The following PRKD1 variants were observed in gnomAD, a reference collection of about 807,000 sequenced individuals.
PRKD1 encodes serine/threonine-protein kinase D1.
PRKD1 carries 63 observed loss-of-function variants against 95.9 expected under a neutral mutation model. The ratio of observed to expected loss-of-function variants is 0.66; its 90% CI spans 0.54 to 0.81. The LOEUF is 0.81. Ranked by LOEUF, PRKD1 falls within the 30% of genes least tolerant of loss-of-function variation. PRKD1 has a pLI of 0.00. For synonymous variants in PRKD1, 425 were observed against 423.1 expected, an observed-to-expected ratio of 1.00 and a Z score of -0.05; for missense variants, 1,048 against 1,165.3, an observed-to-expected ratio of 0.90 and a Z score of 1.47.
intron 4 of PRKD1, among the ~76,000 whole-genome samples, chr14:29,658,372 C>T (rs1056126416): frequency 5.9e-5 from 9 of 152,118 alleles, no homozygotes; most frequent in African/African-American, 1.9e-4. Flanking sequence ...TTTAAGAACA[C>T]TAATTTTACC....
chr14:29,883,662 G>A (rs1893595262), intron 1 of PRKD1, among the ~76,000 whole-genome samples: 1 of 152,138 alleles, frequency 6.6e-6, no homozygotes, highest in African/African-American at 2.4e-5. Context: ...TATACTTGAT[G>A]GACATATCAC....
chr14:29,865,427 T>C (rs1436038843), intron 1 of PRKD1, among the ~76,000 whole-genome samples: 2 of 152,222 alleles, frequency 1.3e-5, no homozygotes, highest in African/African-American at 4.8e-5. Context: ...GCTGAGGCCA[T>C]TAAGAAGTGA....
chr14:29,609,978 G>T (rs538040304), intron 13 of PRKD1, among the ~76,000 whole-genome samples: 2 of 152,192 alleles, frequency 1.3e-5, no homozygotes, highest in African/African-American at 4.8e-5. Context: ...CATGATAAAT[G>T]TAATGAGTCC....
At chr14:29,746,243 T>A (rs1021218994) in intron 1 of PRKD1, among the ~76,000 whole-genome samples, 27 of 152,104 alleles carry the variant, frequency 1.8e-4, no homozygotes, top group African/African-American at 6.5e-4. Flanking sequence ...AAACTTTAGT[T>A]AAGCAGGGAA....
intron 1 of PRKD1, among the ~76,000 whole-genome samples, chr14:29,776,137 C>T (rs1888742419): frequency 6.6e-6 from 1 of 152,254 alleles, no homozygotes. Context: ...CACCAAAACC[C>T]CATCAGTACG....
At chr14:29,865,186 A>G (rs1303866865) in intron 1 of PRKD1, among the ~76,000 whole-genome samples, 1 of 152,208 alleles carries the variant, frequency 6.6e-6, no homozygotes, top group Non-Finnish European at 1.5e-5. Context: ...CAAATGCATT[A>G]TGAAGATAAG....
rs771067378 is a variant in PRKD1, at chr14:29,636,278, T to C, written c.1190+12A>G. 2 of 1,614,090 alleles carry C rather than the reference T, an allele frequency of 1.2e-6. No individual in the cohort carries two copies. Among genetic ancestry groups the C allele is most frequent in the Non-Finnish European group, 1.7e-6 (2 of 1,180,002 alleles). Reference sequence around the variant, plus strand: ...TTCCCCTGTTGGCTGAGGCTGGGAGTGCTGCTCTCACCTGATGGTTCTGTT... The same window carrying C: ...TTCCCCTGTTGGCTGAGGCTGGGAGCGCTGCTCTCACCTGATGGTTCTGTT... On this transcript the variant is annotated intron_variant, in intron 7 of 17. Transcript: ENST00000331968.
At chr14:29,885,758 G>C (rs1011111050) in intron 1 of PRKD1, among the ~76,000 whole-genome samples, 4 of 140,862 alleles carry the variant, frequency 2.8e-5, no homozygotes, top group Non-Finnish European at 6.0e-5. Flanking sequence ...CTTCAGGTCA[G>C]GAGTTTGAGA....
chr14:29,685,138 C>T (rs1040156044), intron 2 of PRKD1, among the ~76,000 whole-genome samples: 8 of 152,158 alleles, frequency 5.3e-5, no homozygotes, highest in African/African-American at 1.4e-4. Context: ...CTTGCCATTT[C>T]CCATTCAAAG....
chr14:29,632,984 C>T lies in PRKD1; in HGVS notation c.1315-38G>A, dbSNP rs1323287823. 3.9e-6 allele frequency: 6 copies of T among 1,534,888 alleles called. No homozygotes were observed. In the African/African-American group the frequency reaches 5.5e-5, roughly 14 times the overall value. On this transcript the variant is annotated intron_variant, in intron 8 of 17. Transcript: ENST00000331968. The stretch of plus-strand genomic sequence containing the variant: ...TTAGATCCAAGATCTTTTTAAAAAA[C>T]TTTAAAAATATCCCCAATTGAAAAC...
chr14:29,727,112 C>A (rs1566564425), intron 1 of PRKD1, among the ~76,000 whole-genome samples: 1 of 152,080 alleles, frequency 6.6e-6, no homozygotes, highest in Non-Finnish European at 1.5e-5. Flanking sequence ...GTAATGATAT[C>A]TCATTGTGGT....
intron 1 of PRKD1, among the ~76,000 whole-genome samples, chr14:29,734,489 A>G (rs988533959): frequency 9.9e-5 from 15 of 152,174 alleles, no homozygotes; most frequent in African/African-American, 3.6e-4. Context: ...TTCAAGGCCT[A>G]TTTTTAAGCT....
At chr14:29,781,758 A>G (rs906455851) in intron 1 of PRKD1, among the ~76,000 whole-genome samples, 1 of 152,244 alleles carries the variant, frequency 6.6e-6, no homozygotes, top group Non-Finnish European at 1.5e-5. Context: ...CTTCACATGA[A>G]CATTTCCATA....
chr14:29,833,682 T>C (rs759852585), intron 1 of PRKD1, among the ~76,000 whole-genome samples: 26 of 152,106 alleles, frequency 1.7e-4, no homozygotes, highest in Non-Finnish European at 3.4e-4. Flanking sequence ...ATATTTATAA[T>C]ATAGTATTCT....
intron 2 of PRKD1, among the ~76,000 whole-genome samples, chr14:29,683,715 TG>T (rs753253096): frequency 6.6e-6 from 1 of 152,182 alleles, no homozygotes; most frequent in Non-Finnish European, 1.5e-5. Flanking sequence ...AATAGTACAA[TG>T]TAACATTATT....
At chr14:29,828,816 T>C (rs1891295244) in intron 1 of PRKD1, among the ~76,000 whole-genome samples, 1 of 152,150 alleles carries the variant, frequency 6.6e-6, no homozygotes, top group Admixed American at 6.5e-5. Context: ...TTTTTGACAC[T>C]CCCTTAGGGA....
rs1892636784 is a variant in PRKD1 at position 29,578,376 on chromosome 14, A to G, written c.2435-16T>C. The G allele has an allele frequency of 2.6e-6, 4 of 1,559,356 alleles. No homozygotes were observed. The highest frequency in any genetic ancestry group is 3.5e-6 in the Non-Finnish European group (4 of 1,138,086). On this transcript the variant is annotated splice_polypyrimidine_tract_variant and intron_variant, in intron 16 of 17. Transcript: ENST00000331968. ...AGATCAATGGCTGAAAAAAATTACC[A>G]GTAAAAATAGATGACAAATCTGTAA...
At chr14:29,731,916 C>T (rs1040339092) in intron 1 of PRKD1, among the ~76,000 whole-genome samples, 1 of 151,136 alleles carries the variant, frequency 6.6e-6, no homozygotes, top group Non-Finnish European at 1.5e-5. Flanking sequence ...CTCTGGCGCC[C>T]AGGCTGGATT....
At chr14:29,758,330 C>G (rs45574334) in intron 1 of PRKD1, among the ~76,000 whole-genome samples, 1 of 152,096 alleles carries the variant, frequency 6.6e-6, no homozygotes, top group Non-Finnish European at 1.5e-5. Context: ...CAGACTTGAT[C>G]GAGAGGTGGA....
Sources: gnomAD v4.1 joint callset for allele counts (sites outside exome capture counted in the v4.1 genomes callset) on GRCh38, gnomAD v4.1.1 for gene constraint, MANE v1.5 for transcripts, NCBI Gene and HGNC (gene_info 2026-07-23, HGNC 2026-07-21) for gene names.